The following EPB41 variants were observed in gnomAD, a reference collection of about 807,000 sequenced individuals.
EPB41 encodes protein 4.1.
EPB41 carries 65 observed loss-of-function variants against 108.0 expected under a neutral mutation model. The observed-to-expected ratio is 0.60, with a 90% CI of 0.49 to 0.74. The LOEUF (loss-of-function observed/expected upper bound fraction) is 0.74. Among genes scored for constraint, EPB41 ranks in the 30% least tolerant of loss-of-function variants. The pLI, the probability that EPB41 is intolerant of heterozygous loss-of-function variation, is 0.00. For missense variants in EPB41, 875 were observed against 1,037.0 expected (o/e 0.84, Z 2.15); for synonymous variants, 336 against 358.9 (o/e 0.94, Z 0.72).
At chr1:29,073,515 C>A (rs977020156) in intron 16 of EPB41, among the ~76,000 whole-genome samples, 3 of 152,178 alleles carry the variant, frequency 2.0e-5, no homozygotes, top group East Asian at 1.9e-4. Flanking sequence ...ACATTAACTT[C>A]TTTTTATTTT....
intron 3 of EPB41, 81 bp downstream of exon 3, chr1:28,993,623 C>A: frequency 2.5e-6 from 3 of 1,217,790 alleles, no homozygotes; most frequent in Non-Finnish European, 3.6e-6. Context: ...ATTTTGCCCA[C>A]GATAAGACTC....
upstream of EPB41, among the ~76,000 whole-genome samples, chr1:28,910,190 T>C (rs986162352): frequency 1.3e-5 from 2 of 152,194 alleles, no homozygotes. Context: ...GTGACTTACA[T>C]TTTTTCTTGT....
intron 16 of EPB41, chr1:29,071,610 G>A (rs1255384537): frequency 2.0e-5 from 3 of 152,108 alleles, no homozygotes; most frequent in Non-Finnish European, 4.4e-5. Context: ...CAATGGCTTT[G>A]TGACCTCAAG....
chr1:29,096,892 G>A (rs1663392011), intron 16 of EPB41: 2 of 152,314 alleles, frequency 1.3e-5, no homozygotes, highest in African/African-American at 4.8e-5. Flanking sequence ...TATGGAAAGA[G>A]GTGAATTGCG....
chr1:28,987,488 A>G lies in EPB41; in HGVS notation c.51A>G (p.Gln17=), dbSNP rs755515107. The change falls in exon 2 of 21, where the codon CAA becomes CAG. Residue 17 remains glutamine, a synonymous_variant. Transcript: ENST00000343067. ...LVTEAENSQH[Q]QKEEGEEAIN... ...CTGAGGCCGAAAATTCACAGCACCA[A>G]CAGAAGGAAGAGGGTGAGGAAGCCA... The G allele has an allele frequency of 1.2e-6, 2 of 1,614,186 alleles. No individual in the cohort carries two copies. Among genetic ancestry groups the G allele is most frequent in the South Asian group, 2.2e-5 (2 of 91,078 alleles).
At chr1:29,012,414 A>C (rs902075488) in intron 5 of EPB41, among the ~76,000 whole-genome samples, 14 of 152,208 alleles carry the variant, frequency 9.2e-5, no homozygotes, top group Non-Finnish European at 2.1e-4. Context: ...GGAAGAAAAA[A>C]AGAATGGAAA....
chr1:28,904,771 T>A (rs1412820347), intron 1 of EPB41, among the ~76,000 whole-genome samples: 3 of 151,996 alleles, frequency 2.0e-5, no homozygotes, highest in Non-Finnish European at 4.4e-5. Flanking sequence ...TGGTGGCTCA[T>A]GCCTGTGATC....
At chr1:29,026,803 T>C (rs367603940) in intron 7 of EPB41, among the ~76,000 whole-genome samples, 2 of 151,908 alleles carry the variant, frequency 1.3e-5, no homozygotes, top group South Asian at 4.1e-4. Flanking sequence ...CAAGACCTTG[T>C]CTCTTAAAAA....
intron 4 of EPB41, among the ~76,000 whole-genome samples, chr1:29,003,841 C>T (rs968640017): frequency 4.6e-5 from 7 of 152,170 alleles, no homozygotes; most frequent in Non-Finnish European, 7.3e-5. Context: ...TAGTTCACTG[C>T]AACCTCCACC....
Position 29,052,133 on chromosome 1 carries a change from A to G in EPB41, c.1637-971A>G, listed in dbSNP as rs115215808. On this transcript the variant is annotated intron_variant, in intron 11 of 20. Coordinates refer to ENST00000343067, the MANE Select transcript of EPB41 (RefSeq NM_001376013.1). ...AGATACCAAATATTCCAAAACAACA[A>G]TTGGCTCTTTGAAAAGATCAAGATT... Among the ~76,000 whole-genome samples, 1,122 of 152,328 alleles carry G rather than the reference A, an allele frequency of 7.4e-3. 14 individuals carry two copies. Among genetic ancestry groups the G allele is most frequent in the African/African-American group, 0.025 (1,054 of 41,568 alleles).
intron 1 of EPB41, among the ~76,000 whole-genome samples, chr1:28,901,523 T>C (rs1219208988): frequency 6.6e-6 from 1 of 151,558 alleles, no homozygotes; most frequent in Non-Finnish European, 1.5e-5. Flanking sequence ...GCACTCGGCC[T>C]ATTTTTATAT....
chr1:29,036,618 C>A (rs1639560255), intron 10 of EPB41, among the ~76,000 whole-genome samples: 1 of 150,958 alleles, frequency 6.6e-6, no homozygotes. Flanking sequence ...TTTCTCTAAG[C>A]AATGCTTGAC....
intron 4 of EPB41, among the ~76,000 whole-genome samples, chr1:29,003,472 G>GT (rs1258799250): frequency 6.6e-6 from 1 of 151,920 alleles, no homozygotes; most frequent in African/African-American, 2.4e-5. Flanking sequence ...TTCATCTGTA[G>GT]TTTTTTTGTT....
At position 28,987,417 on chromosome 1, in the gene EPB41, C is replaced by T; in HGVS notation, c.-7-14C>T. On this transcript the variant is annotated splice_polypyrimidine_tract_variant and intron_variant, in intron 1 of 20. Coordinates refer to ENST00000343067, the MANE Select transcript of EPB41 (RefSeq NM_001376013.1). ...GCTTATAAGAGCCCCCCTTTTCTATCTTCTTTTTAATAGCAACATCATGAC... is the reference window on the plus strand; with the variant it reads ...GCTTATAAGAGCCCCCCTTTTCTATTTTCTTTTTAATAGCAACATCATGAC... 2 of 1,612,730 alleles carry T rather than the reference C, an allele frequency of 1.2e-6. No individual in the cohort carries two copies. Among genetic ancestry groups the T allele is most frequent in the Non-Finnish European group, 8.5e-7 (1 of 1,178,832 alleles).
chr1:29,087,012 T>C (rs1367929335), intron 16 of EPB41, among the ~76,000 whole-genome samples: 1 of 144,190 alleles, frequency 6.9e-6, no homozygotes, highest in African/African-American at 2.5e-5. Context: ...TGGCACAATC[T>C]TGGCTCACTG....
At chr1:29,012,183 A>G (rs916004218) in intron 5 of EPB41, among the ~76,000 whole-genome samples, 1 of 152,138 alleles carries the variant, frequency 6.6e-6, no homozygotes, top group African/African-American at 2.4e-5. Context: ...GAGTAACAGA[A>G]GGTGGAAAAG....
Position 29,016,436 on chromosome 1 carries a change from G to A in EPB41, c.905+669G>A, listed in dbSNP as rs1014062296. ...ACTCCTAACCTCAGGTGATCTGCTT[G>A]CCTCGGCCTCCCAAAGTGCTGGTGT... On this transcript the variant is annotated intron_variant, in intron 6 of 20. Transcript: ENST00000343067. 2.2e-4 allele frequency among the ~76,000 whole-genome samples: 32 copies of A among 147,510 alleles called. 1 individual carries two copies. The highest frequency in any genetic ancestry group is 7.6e-4 in the Admixed American group (11 of 14,466).
At chr1:29,055,221 TA>T (rs980669479) in intron 12 of EPB41, among the ~76,000 whole-genome samples, 1 of 152,198 alleles carries the variant, frequency 6.6e-6, no homozygotes, top group Non-Finnish European at 1.5e-5. Flanking sequence ...TGTTTAATGT[TA>T]GACTACCTCT....
intron 16 of EPB41, 154 bp from the exon 17 acceptor site, chr1:29,097,651 AAT>A: frequency 1.3e-6 from 1 of 797,858 alleles, no homozygotes; most frequent in South Asian, 1.5e-5. Flanking sequence ...GTTACTTTGG[AAT>A]ACTGTCGAAG....
Sources: allele counts gnomAD v4.1 joint callset (sites outside exome capture counted in the v4.1 genomes callset), GRCh38; gene constraint gnomAD v4.1.1; transcripts MANE v1.5; gene names NCBI Gene and HGNC (gene_info 2026-07-23, HGNC 2026-07-21).